Variants in WWOX observed in about 807,000 individuals in gnomAD.
WWOX encodes WW domain containing oxidoreductase, also known as WW domain-containing oxidoreductase.
Under a neutral mutation model 46.2 loss-of-function variants are expected in WWOX, and 69 were observed. That is an observed-to-expected ratio of 1.49 (90% CI 1.23 to 1.82). The LOEUF is 1.82. Ranked by LOEUF, WWOX falls within the 40% of genes most tolerant of loss-of-function variation. The pLI, the probability that WWOX is intolerant of heterozygous loss-of-function variation, is 0.00. For missense variants in WWOX, 919 were observed against 542.6 expected (o/e 1.69, Z -6.89); for synonymous variants, 359 against 202.6 (o/e 1.77, Z -6.56).
At chr16:78,727,430 C>A (rs906911930) in intron 8 of WWOX, among the ~76,000 whole-genome samples, 2 of 152,132 alleles carry the variant, frequency 1.3e-5, no homozygotes, top group Non-Finnish European at 2.9e-5. Flanking sequence ...GTGCCTTTGA[C>A]ACTGTCCTCT....
At chr16:78,801,786 A>T (rs978534413) in intron 8 of WWOX, among the ~76,000 whole-genome samples, 1 of 152,178 alleles carries the variant, frequency 6.6e-6, no homozygotes, top group African/African-American at 2.4e-5. Flanking sequence ...AGACAAAGGG[A>T]CATTTCATTT....
At position 78,647,071 on chromosome 16, in the gene WWOX, C is replaced by T. The variant is rs551239416; in HGVS notation, c.1056+214319C>T. Among the ~76,000 whole-genome samples the T allele has an allele frequency of 2.4e-3, 367 of 152,286 alleles. 1 individual carries two copies. The highest frequency in any genetic ancestry group is 8.6e-3 in the African/African-American group (356 of 41,574). Reference sequence around the variant, plus strand: ...TCTCCCTTTGTGACCCAGCAACTTCCTTCCCCGATGATGGCCAAGCCTTGA... The same window carrying T: ...TCTCCCTTTGTGACCCAGCAACTTCTTTCCCCGATGATGGCCAAGCCTTGA... On this transcript the variant is annotated intron_variant, in intron 8 of 8. Coordinates refer to ENST00000566780, the MANE Select transcript of WWOX (RefSeq NM_016373.4).
intron 8 of WWOX, among the ~76,000 whole-genome samples, chr16:79,170,972 C>T (rs370683372): frequency 1.3e-5 from 2 of 152,154 alleles, no homozygotes; most frequent in Admixed American, 6.5e-5. Context: ...GCACACTCCC[C>T]AATCTAAGAA....
chr16:78,418,098 C>T (rs762394126), intron 6 of WWOX, among the ~76,000 whole-genome samples: 3 of 152,178 alleles, frequency 2.0e-5, no homozygotes, highest in Admixed American at 6.5e-5. Context: ...CGGTGGCTCA[C>T]GCCTGTAATC....
intron 8 of WWOX, among the ~76,000 whole-genome samples, chr16:78,995,363 G>A (rs1278478637): frequency 6.6e-6 from 1 of 152,084 alleles, no homozygotes; most frequent in Non-Finnish European, 1.5e-5. Context: ...AAGTGTGCCT[G>A]TGGACTGCGT....
At chr16:78,358,159 C>G (rs1229264674) in intron 5 of WWOX, among the ~76,000 whole-genome samples, 1 of 152,146 alleles carries the variant, frequency 6.6e-6, no homozygotes, top group Non-Finnish European at 1.5e-5. Flanking sequence ...TGTCAAGTAT[C>G]TTCTCAACAC....
At chr16:78,886,262 T>G (rs919520572) in intron 8 of WWOX, among the ~76,000 whole-genome samples, 10 of 151,598 alleles carry the variant, frequency 6.6e-5, no homozygotes, top group African/African-American at 2.4e-4. Flanking sequence ...ATACCCATTG[T>G]ACACATTTGG....
At chr16:78,680,721 A>C (rs1481163930) in intron 8 of WWOX, among the ~76,000 whole-genome samples, 1 of 152,220 alleles carries the variant, frequency 6.6e-6, no homozygotes, top group Non-Finnish European at 1.5e-5. Context: ...ACATACAGAA[A>C]GAACGTTTCC....
At position 78,168,473 on chromosome 16, in the gene WWOX, G is replaced by A. The variant is rs61745220; in HGVS notation, c.516+4184G>A. ...TTTTGCATTTTCCAGACGAGCCAAG[G>A]GATGGCTCAGAAGGGTGAAGGAACT... is the stretch of plus-strand genomic sequence containing the variant. On this transcript the variant is annotated intron_variant, in intron 5 of 8. Transcript: ENST00000566780. 2.1e-4 allele frequency: 32 copies of A among 151,752 alleles called. 1 individual carries two copies. The highest frequency in any genetic ancestry group is 7.0e-4 in the African/African-American group (29 of 41,356). The allele number at this position is 151,752 out of a possible 1,614,324, so 9.4% of individuals were successfully genotyped here.
Position 78,837,694 on chromosome 16 carries a change from G to T in WWOX, c.1057-373914G>T, listed in dbSNP as rs541106963. Among the ~76,000 whole-genome samples, 4 of 152,278 alleles carry T rather than the reference G, an allele frequency of 2.6e-5. No homozygotes were observed. In the South Asian group the frequency reaches 8.3e-4, roughly 32 times the overall value. Reference sequence around the variant, plus strand: ...CAAGAAAGAGGGGCTGACAAAGATTGAGTGATTAGAAATCCAAGTGAATTT... The same window carrying T: ...CAAGAAAGAGGGGCTGACAAAGATTTAGTGATTAGAAATCCAAGTGAATTT... On this transcript the variant is annotated intron_variant, in intron 8 of 8. Transcript: ENST00000566780.
intron 5 of WWOX, among the ~76,000 whole-genome samples, chr16:78,218,933 A>G (rs189762381): frequency 4.8e-4 from 73 of 152,370 alleles, no homozygotes; most frequent in African/African-American, 1.7e-3. Flanking sequence ...TATCGTTGCA[A>G]TTAGATGCTT....
At chr16:78,181,153 C>T (rs1461273549) in intron 5 of WWOX, among the ~76,000 whole-genome samples, 19 of 151,962 alleles carry the variant, frequency 1.3e-4, no homozygotes, top group Admixed American at 1.2e-3. Context: ...CACGCAGACA[C>T]ACGAAGGGGA....
chr16:78,727,770 G>T (rs1468236816), intron 8 of WWOX, among the ~76,000 whole-genome samples: 1 of 152,076 alleles, frequency 6.6e-6, no homozygotes, highest in Non-Finnish European at 1.5e-5. Context: ...TCAGCTCCTT[G>T]TCTCCCTGGT....
chr16:78,542,550 G>A (rs1265554171), intron 8 of WWOX, among the ~76,000 whole-genome samples: 2 of 152,146 alleles, frequency 1.3e-5, no homozygotes, highest in East Asian at 3.8e-4. Flanking sequence ...AACAGAAGCC[G>A]ATGTGCAGAG....
intron 4 of WWOX, among the ~76,000 whole-genome samples, chr16:78,140,510 GGGAA>G: frequency 6.6e-6 from 1 of 152,238 alleles, no homozygotes; most frequent in South Asian, 2.1e-4. Context: ...AAAATGTGTA[GGGAA>G]GGACCCTTCC....
chr16:78,765,159 C>G (rs1230770404), intron 8 of WWOX, among the ~76,000 whole-genome samples: 1 of 152,176 alleles, frequency 6.6e-6, no homozygotes, highest in African/African-American at 2.4e-5. Context: ...ATCACAGTGG[C>G]CCCACAGTGT....
chr16:78,121,316 A>G (rs992782924), intron 4 of WWOX, among the ~76,000 whole-genome samples: 7 of 152,230 alleles, frequency 4.6e-5, no homozygotes, highest in Non-Finnish European at 1.0e-4. Flanking sequence ...TGTAAGTAAA[A>G]TTATTTTGAA....
chr16:79,009,798 A>T (rs1204859817), intron 8 of WWOX, among the ~76,000 whole-genome samples: 1 of 152,174 alleles, frequency 6.6e-6, no homozygotes. Context: ...ACCATGGTAC[A>T]TGGGAAGGAG....
chr16:78,639,984 T>C (rs928191547), intron 8 of WWOX, among the ~76,000 whole-genome samples: 1 of 152,120 alleles, frequency 6.6e-6, no homozygotes, highest in African/African-American at 2.4e-5. Flanking sequence ...CCTTTTTGAA[T>C]CCCACACAGT....
Sources: gnomAD v4.1 joint callset for allele counts (sites outside exome capture counted in the v4.1 genomes callset) on GRCh38, gnomAD v4.1.1 for gene constraint, MANE v1.5 for transcripts, NCBI Gene and HGNC (gene_info 2026-07-23, HGNC 2026-07-21) for gene names.